SNX29: variants seen among roughly 807,000 people sequenced by gnomAD.
SNX29 encodes the protein sorting nexin-29.
A neutral mutation model predicts 102.1 loss-of-function variants in SNX29; 78 were observed. That is an observed-to-expected ratio of 0.76 (90% CI 0.64 to 0.92). SNX29 has a LOEUF of 0.92. Ranked by LOEUF, SNX29 falls within the 40% of genes least tolerant of loss-of-function variation. The pLI, the probability that SNX29 is intolerant of heterozygous loss-of-function variation, is 0.00. For synonymous variants in SNX29, 580 were observed against 414.5 expected (o/e 1.40, Z -4.85); for missense variants, 1,280 against 1,061.7 (o/e 1.21, Z -2.86).
intron 16 of SNX29, 109 bp downstream of exon 16, chr16:12,356,388 T>A: frequency 4.3e-6 from 4 of 934,952 alleles, no homozygotes; most frequent in Non-Finnish European, 6.5e-6. Context: ...CTGGCCAGAT[T>A]TGCCCACATT....
Position 12,551,427 on chromosome 16 carries a change from C to T in SNX29, c.2319-17079C>T, listed in dbSNP as rs920240461. ...GTTGGGGTCTCAGCCACAGCTTGCACATTCGATCACCCAGCATGCTTTTAA... is the reference window on the plus strand; with the variant it reads ...GTTGGGGTCTCAGCCACAGCTTGCATATTCGATCACCCAGCATGCTTTTAA... On this transcript the variant is annotated intron_variant, in intron 20 of 20. Transcript: ENST00000566228. Among the ~76,000 whole-genome samples, 12 of 152,318 alleles carry T rather than the reference C, an allele frequency of 7.9e-5. No individual in the cohort carries two copies. The South Asian group carries it at 2.3e-3, about 29-fold the overall frequency.
chr16:12,548,442 C>CT (rs2077747792), intron 20 of SNX29, among the ~76,000 whole-genome samples: 1 of 152,200 alleles, frequency 6.6e-6, no homozygotes, highest in Non-Finnish European at 1.5e-5. Flanking sequence ...ATCCCTGTAC[C>CT]ATGGCATCTG....
chr16:12,348,785 C>G (rs955901482), intron 15 of SNX29, among the ~76,000 whole-genome samples: 2 of 152,250 alleles, frequency 1.3e-5, no homozygotes, highest in Non-Finnish European at 2.9e-5. Flanking sequence ...ACAAGTTGCA[C>G]ACCCTTTCTG....
chr16:12,101,155 T>A (rs993444253), intron 11 of SNX29, among the ~76,000 whole-genome samples: 6 of 152,156 alleles, frequency 3.9e-5, no homozygotes, highest in Non-Finnish European at 7.3e-5. Context: ...AGTTTCCTGC[T>A]GGAATAGGTA....
At chr16:12,212,222 T>A (rs986483649) in intron 14 of SNX29, among the ~76,000 whole-genome samples, 1 of 152,102 alleles carries the variant, frequency 6.6e-6, no homozygotes, top group South Asian at 2.1e-4. Flanking sequence ...TGTTCGCCTT[T>A]CCCCCCGGAG....
chr16:12,061,378 C>T (rs2050767291), intron 8 of SNX29, 150 bp from the exon 9 acceptor site: 2 of 632,166 alleles, frequency 3.2e-6, no homozygotes, highest in Admixed American at 2.7e-5. Context: ...ATCTGGACTC[C>T]ACGCTCTACC....
At chr16:12,554,563 T>C (rs990806485) in intron 20 of SNX29, among the ~76,000 whole-genome samples, 3 of 152,220 alleles carry the variant, frequency 2.0e-5, no homozygotes, top group African/African-American at 7.2e-5. Context: ...TTCAACAATT[T>C]CTTAAAGCTG....
At chr16:12,043,711 T>C (rs1483465716) in intron 5 of SNX29, among the ~76,000 whole-genome samples, 2 of 151,250 alleles carry the variant, frequency 1.3e-5, no homozygotes, top group Non-Finnish European at 1.5e-5. Flanking sequence ...GAAAAAAACA[T>C]GGAAATTTTA....
At chr16:12,242,101 G>A (rs1055549754) in intron 14 of SNX29, among the ~76,000 whole-genome samples, 16 of 152,222 alleles carry the variant, frequency 1.1e-4, no homozygotes, top group East Asian at 1.9e-4. Context: ...GAATGTGAGA[G>A]CTGGGGAGAA....
chr16:12,382,290 T>A (rs897390204), intron 16 of SNX29, among the ~76,000 whole-genome samples: 1 of 152,168 alleles, frequency 6.6e-6, no homozygotes, highest in Non-Finnish European at 1.5e-5. Context: ...GGTGCTTTTG[T>A]TAAGATAGCA....
chr16:12,166,857 G>A (rs1405734288), intron 13 of SNX29, among the ~76,000 whole-genome samples: 1 of 152,152 alleles, frequency 6.6e-6, no homozygotes, highest in African/African-American at 2.4e-5. Flanking sequence ...AATAACTGTT[G>A]GTTTGTTTGG....
At chr16:12,555,095 CCAATCAGGGACAATCT>C (rs2141391800) in intron 20 of SNX29, among the ~76,000 whole-genome samples, 1 of 149,826 alleles carries the variant, frequency 6.7e-6, no homozygotes, top group South Asian at 2.1e-4. Flanking sequence ...AGTGAAAGGG[CCAATCAGGGACAATCT>C]CAGAGTATCA....
At chr16:12,173,140 G>A (rs80052796) in intron 13 of SNX29, among the ~76,000 whole-genome samples, 2,724 of 152,302 alleles carry the variant, frequency 0.018, 89 homozygotes, top group African/African-American at 0.062. Context: ...CTGTGGAACC[G>A]ACAACCTCTG....
At chr16:12,365,274 G>A (rs572142910) in intron 16 of SNX29, among the ~76,000 whole-genome samples, 2 of 151,614 alleles carry the variant, frequency 1.3e-5, no homozygotes, top group South Asian at 2.1e-4. Flanking sequence ...CTTCATCTGC[G>A]AAGTGAATCT....
intron 17 of SNX29, among the ~76,000 whole-genome samples, chr16:12,401,082 C>T (rs568075360): frequency 3.2e-4 from 48 of 152,222 alleles, no homozygotes; most frequent in Non-Finnish European, 5.7e-4. Flanking sequence ...CCGCCTACCT[C>T]GGCCTCCCAA....
chr16:12,296,297 A>G (rs913096028), intron 15 of SNX29, among the ~76,000 whole-genome samples: 14 of 152,228 alleles, frequency 9.2e-5, no homozygotes, highest in African/African-American at 3.4e-4. Flanking sequence ...AAAGTGATAA[A>G]ATCGAGTGGA....
intron 13 of SNX29, among the ~76,000 whole-genome samples, chr16:12,180,326 TTA>T (rs1596446415): frequency 6.6e-6 from 1 of 152,206 alleles, no homozygotes; most frequent in African/African-American, 2.4e-5. Flanking sequence ...CGTTGTTCTT[TTA>T]TGTCATTTTT....
chr16:12,224,011 TCTC>T (rs967510068), intron 14 of SNX29, among the ~76,000 whole-genome samples: 1 of 152,064 alleles, frequency 6.6e-6, no homozygotes, highest in Non-Finnish European at 1.5e-5. Context: ...GATGCCCAGG[TCTC>T]CTCACTCCAG....
At chr16:12,548,223 CCA>C (rs1227308869) in intron 20 of SNX29, among the ~76,000 whole-genome samples, 22 of 152,202 alleles carry the variant, frequency 1.4e-4, no homozygotes, top group Non-Finnish European at 2.5e-4. Context: ...CTGGATCCTG[CCA>C]CAGTGTTAGG....
Sources: allele counts gnomAD v4.1 joint callset (sites outside exome capture counted in the v4.1 genomes callset), GRCh38; gene constraint gnomAD v4.1.1; transcripts MANE v1.5; gene names NCBI Gene and HGNC (gene_info 2026-07-23, HGNC 2026-07-21).